The following DGKA variants were observed in gnomAD, a reference collection of about 807,000 sequenced individuals.
DGKA encodes diacylglycerol kinase alpha.
A neutral mutation model predicts 105.0 loss-of-function variants in DGKA; 35 were observed. The observed-to-expected ratio is 0.33, with a 90% CI of 0.25 to 0.44. The LOEUF (loss-of-function observed/expected upper bound fraction) is 0.44, where lower values mean the gene tolerates loss of function less well. Ranked by LOEUF, DGKA falls within the 20% of genes least tolerant of loss-of-function variation. The pLI is 1.00. For missense variants in DGKA, 665 were observed against 915.0 expected, an observed-to-expected ratio of 0.73 and a Z score of 3.53; for synonymous variants, 296 against 332.0, an observed-to-expected ratio of 0.89 and a Z score of 1.18.
At chr12:55,951,808 A>G (rs1474702909) in intron 18 of DGKA, 25 bp downstream of exon 18, 1 of 1,606,578 alleles carries the variant, frequency 6.2e-7, no homozygotes, top group African/African-American at 1.3e-5. Flanking sequence ...GCCTGGGGAG[A>G]AGGGAGAAAG....
rs577673023 is a variant in DGKA, at chr12:55,931,316, C to T, written c.-110C>T. The T allele has an allele frequency of 2.0e-5, 3 of 152,204 alleles. No homozygotes were observed. The South Asian group carries it at 6.2e-4, about 31-fold the overall frequency. The allele number at this position is 152,204 out of a possible 1,614,324, so 9.4% of individuals were successfully genotyped here. A position where few individuals can be genotyped will look rare whatever the true frequency, so the allele number is the denominator to read the frequency against. ...TTTCACTCCCTACTTTTGGCCAGGG[C>T]CTTCTGTGCCACCTGCCAAGACCAG... On this transcript the variant is annotated 5_prime_UTR_variant, in exon 1 of 24. Transcript: ENST00000331886.
chr12:55,952,842 C>A lies in DGKA; in HGVS notation c.1852C>A (p.Pro618Thr). 6.2e-7 allele frequency: 1 copy of A among 1,614,128 alleles called. No individual in the cohort carries two copies. The highest frequency in any genetic ancestry group is 1.6e-4 in the Middle Eastern group (1 of 6,062). ...GSNLWGDTRRPHGDIYGINQA... is the reference protein window; with the variant it reads ...GSNLWGDTRRTHGDIYGINQA... ...CAACCTCTGGGGTGATACCAGGAGA[C>A]CCCATGGGGATATCTATGGGATCAA... The change falls in exon 21 of 24, where the codon CCC becomes ACC. Residue 618 changes from proline to threonine, a missense_variant. Transcript: ENST00000331886. The surrounding 1 kb of genome is among the most constrained non-coding windows in gnomAD (Gnocchi z 5.1).
Position 55,936,547 on chromosome 12 carries a change from A to G in DGKA, c.44A>G (p.Gln15Arg). ...CTAATAAGCCCCAGTGATTTTGCCC[A>G]GCTGCAAAAATACATGGAATGTGAG... ...RGLISPSDFA[Q>R]LQKYMEYSTK... The change falls in exon 2 of 24, where the codon CAG becomes CGG. Residue 15 changes from glutamine to arginine, a missense_variant. Physicochemically the swap from Gln to Arg is conservative, Grantham distance 43 (BLOSUM62 1). Coordinates refer to ENST00000331886, the MANE Select transcript of DGKA (RefSeq NM_001345.5). 1.9e-6 allele frequency: 3 copies of G among 1,614,194 alleles called. No homozygotes were observed. Among genetic ancestry groups the G allele is most frequent in the Non-Finnish European group, 2.5e-6 (3 of 1,180,034 alleles).
At chr12:55,947,849 A>G (rs1887351848) in intron 17 of DGKA, among the ~76,000 whole-genome samples, 1 of 152,046 alleles carries the variant, frequency 6.6e-6, no homozygotes, top group Non-Finnish European at 1.5e-5. Context: ...GGAGTGCTAT[A>G]GTACAATCTC....
chr12:55,935,174 T>C (rs1256215322), intron 1 of DGKA: 3 of 152,254 alleles, frequency 2.0e-5, no homozygotes, highest in East Asian at 1.9e-4. Context: ...ATTCTAATTG[T>C]TAGTACAATA....
At chr12:55,950,865 TA>T (rs1174837112) in intron 17 of DGKA, among the ~76,000 whole-genome samples, 1 of 152,188 alleles carries the variant, frequency 6.6e-6, no homozygotes, top group Non-Finnish European at 1.5e-5. Flanking sequence ...CGTCTAGTTT[TA>T]AATTTTAATA....
upstream of DGKA, chr12:55,928,060 C>T (rs1883232274): frequency 2.2e-6 from 1 of 449,740 alleles, no homozygotes; most frequent in Non-Finnish European, 4.0e-6. Context: ...TGCCCTGCGC[C>T]GTACCTCCCT....
chr12:55,948,011 G>A (rs1887390384), intron 17 of DGKA, among the ~76,000 whole-genome samples: 1 of 152,056 alleles, frequency 6.6e-6, no homozygotes, highest in Non-Finnish European at 1.5e-5. Context: ...GGCTGATCTC[G>A]AACTTTTGAC....
chr12:55,938,094 G>A (rs768976265), intron 5 of DGKA, 42 bp downstream of exon 5: 1 of 1,549,930 alleles, frequency 6.5e-7, no homozygotes, highest in Non-Finnish European at 8.9e-7. Context: ...GCAGTGAAGG[G>A]AGAGAGAGGT....
chr12:55,938,287 G>A (rs2136314572), intron 5 of DGKA: 1 of 690,518 alleles, frequency 1.4e-6, no homozygotes, highest in South Asian at 1.9e-5. Flanking sequence ...GGCCTAGGAT[G>A]TCCTTGGGAT....
Position 55,952,770 on chromosome 12 carries a change from C to G in DGKA, c.1780C>G (p.Leu594Val). Residue 594 changes from leucine to valine, a missense_variant, in exon 21 of 24, where the codon CTA becomes GTA. This residue lies in a region of DGKA where 158 missense variants were observed against 213.4 expected (regional missense o/e 0.74). Coordinates refer to ENST00000331886, the MANE Select transcript of DGKA (RefSeq NM_001345.5). This position sits in a 1 kb window ranked among gnomAD's most constrained non-coding sequence, Gnocchi z 5.1. ...GKPLDLSNLS[L>V]EGIAVLNIPS... ...ACCGCTGGATCTGAGCAACCTGTCCCTAGAAGGCATCGCAGTGCTAAACAT... is the reference window on the plus strand; with the variant it reads ...ACCGCTGGATCTGAGCAACCTGTCCGTAGAAGGCATCGCAGTGCTAAACAT... The G allele has an allele frequency of 6.2e-7, 1 of 1,614,132 alleles. No homozygotes were observed. The highest frequency in any genetic ancestry group is 1.1e-5 in the South Asian group (1 of 91,080).
upstream of DGKA, chr12:55,927,614 A>T: frequency 7.2e-7 from 1 of 1,391,276 alleles, no homozygotes; most frequent in Non-Finnish European, 9.8e-7. Context: ...ATCTAACCCT[A>T]AGAAGGTGGG....
Position 55,953,829 on chromosome 12 carries a change from T to G in DGKA, c.*61T>G. On this transcript the variant is annotated 3_prime_UTR_variant, in exon 24 of 24. Coordinates refer to ENST00000331886, the MANE Select transcript of DGKA (RefSeq NM_001345.5). ...CCACCTCCCTGTCCCTGGACTCTAC[T>G]CCCGAGGCTCTGTACATTGCTGCCA... The G allele has an allele frequency of 6.8e-7, 1 of 1,461,530 alleles. No homozygotes were observed. Among genetic ancestry groups the G allele is most frequent in the Non-Finnish European group, 9.6e-7 (1 of 1,044,298 alleles). The allele number at this position is 1,461,530 out of a possible 1,614,324, so 90.5% of individuals were successfully genotyped here.
chr12:55,951,703 G>A lies in DGKA; in HGVS notation c.1507G>A (p.Glu503Lys). 1 of 1,614,078 alleles carries A rather than the reference G, an allele frequency of 6.2e-7. No homozygotes were observed. The highest frequency in any genetic ancestry group is 8.5e-7 in the Non-Finnish European group (1 of 1,180,036). Residue 503 changes from glutamate (E) to lysine (K), a missense_variant, in exon 18 of 24, where the codon GAG becomes AAG. Physicochemically the swap from Glu to Lys is moderately conservative, Grantham distance 56. Around this residue, in one of 3 missense-constraint regions of DGKA, gnomAD observed 504 missense variants for 681.2 expected, o/e 0.74. Coordinates refer to ENST00000331886, the MANE Select transcript of DGKA (RefSeq NM_001345.5). ...KVVHMDRWSV[E>K]VIPQQTEEKS... ...GGTACATATGGATCGATGGTCTGTG[G>A]AGGTGATACCTCAACAAACTGAAGA...
At chr12:55,946,919 C>A (rs1887126000) in intron 17 of DGKA, among the ~76,000 whole-genome samples, 2 of 151,904 alleles carry the variant, frequency 1.3e-5, no homozygotes, top group Admixed American at 1.3e-4. Context: ...GTGGATTGAA[C>A]CCTCAGTGGA....
rs1399735138 is a variant in DGKA at position 55,940,468 on chromosome 12, T to C, written c.918+35T>C. The C allele has an allele frequency of 1.9e-6, 3 of 1,610,796 alleles. No homozygotes were observed. The highest frequency in any genetic ancestry group is 2.5e-6 in the Non-Finnish European group (3 of 1,178,238). On this transcript the variant is annotated intron_variant, in intron 11 of 23. Coordinates refer to ENST00000331886, the MANE Select transcript of DGKA (RefSeq NM_001345.5). The surrounding 1 kb of genome is among the most constrained non-coding windows in gnomAD (Gnocchi z 4.3). The stretch of plus-strand genomic sequence containing the variant: ...GGAGCCATCCCTTCTGGGTGCGTCT[T>C]ACCCCGCAGAGCTGCCTTCTCCACG...
Position 55,940,720 on chromosome 12 carries a change from C to T in DGKA, c.1015C>T (p.Leu339=). 6.2e-7 allele frequency: 1 copy of T among 1,612,494 alleles called. No homozygotes were observed. Among genetic ancestry groups the T allele is most frequent in the Non-Finnish European group, 8.5e-7 (1 of 1,179,578 alleles). The change falls in exon 12 of 24, where the codon CTG becomes TTG. Residue 339 remains leucine, a splice_region_variant and synonymous_variant. Coordinates refer to ENST00000331886, the MANE Select transcript of DGKA (RefSeq NM_001345.5). This position sits in a 1 kb window ranked among gnomAD's most constrained non-coding sequence, Gnocchi z 4.3. ...LPPSSIYPSV[L]ASGPDRKNSK... ...TCCATCTTCCATCTATCCCAGTGTC[C>T]TGGTGAGACCCTCGGCAGCAGCGGG...
intron 17 of DGKA, among the ~76,000 whole-genome samples, chr12:55,947,711 C>T (rs868594130): frequency 2.6e-4 from 39 of 152,250 alleles, no homozygotes; most frequent in Middle Eastern, 6.8e-3. Context: ...TCTATCTCTG[C>T]GCACAGATAT....
intron 17 of DGKA, among the ~76,000 whole-genome samples, chr12:55,950,194 G>A (rs1887878597): frequency 6.6e-6 from 1 of 151,024 alleles, no homozygotes; most frequent in South Asian, 2.1e-4. Flanking sequence ...AGGCTGGTCT[G>A]AAACTCCTGA....
Sources: gnomAD v4.1 joint callset for allele counts (sites outside exome capture counted in the v4.1 genomes callset) on GRCh38, gnomAD v4.1.1 for gene constraint, gnomAD v4.1.1 regional missense constraint, Gnocchi (gnomAD v3.1) non-coding constraint, MANE v1.5 for transcripts, NCBI Gene and HGNC (gene_info 2026-07-23, HGNC 2026-07-21) for gene names.